The following ITGBL1 variants were observed in gnomAD, a reference collection of about 807,000 sequenced individuals.
The protein encoded by ITGBL1 is integrin subunit beta like 1.
Under a neutral mutation model 68.5 loss-of-function variants are expected in ITGBL1, and 51 were observed. That is an observed-to-expected ratio of 0.74 (90% CI 0.59 to 0.94). The LOEUF is 0.94. ITGBL1 is among the 40% of genes least tolerant of loss of function. ITGBL1 has a pLI of 0.00. For synonymous variants in ITGBL1, 209 were observed against 227.3 expected (o/e 0.92, Z 0.72); for missense variants, 649 against 647.4 (o/e 1.00, Z -0.03).
chr13:101,596,059 A>G lies in ITGBL1; in HGVS notation c.869-2094A>G, dbSNP rs954796816. Among the ~76,000 whole-genome samples the G allele has an allele frequency of 3.6e-3, 550 of 152,018 alleles. 4 individuals carry two copies. Among genetic ancestry groups the G allele is most frequent in the African/African-American group, 0.012 (497 of 41,488 alleles). ...TATTTACATATGTGTGTGTGTGTAT[A>G]TATATATATCTATATATACACAAAT... is the stretch of plus-strand genomic sequence containing the variant. On this transcript the variant is annotated intron_variant, in intron 6 of 10. Coordinates refer to ENST00000376180, the MANE Select transcript of ITGBL1 (RefSeq NM_004791.3).
At chr13:101,552,974 C>A (rs951214468) in intron 2 of ITGBL1, among the ~76,000 whole-genome samples, 7 of 152,178 alleles carry the variant, frequency 4.6e-5, no homozygotes, top group African/African-American at 1.7e-4. Flanking sequence ...GTGGGGGATT[C>A]TTTACACAGC....
chr13:101,693,551 T>G (rs889195128), intron 8 of ITGBL1, among the ~76,000 whole-genome samples: 1 of 151,944 alleles, frequency 6.6e-6, no homozygotes, highest in Non-Finnish European at 1.5e-5. Context: ...TCAGGAAAAA[T>G]AACTAATGGG....
intron 7 of ITGBL1, among the ~76,000 whole-genome samples, chr13:101,660,069 A>G (rs1246987340): frequency 2.0e-5 from 3 of 152,218 alleles, no homozygotes; most frequent in Admixed American, 1.3e-4. Context: ...TATAGATGCC[A>G]GTAGCACTGT....
At chr13:101,549,898 G>A (rs761374935) in intron 2 of ITGBL1, among the ~76,000 whole-genome samples, 41 of 151,942 alleles carry the variant, frequency 2.7e-4, no homozygotes, top group South Asian at 4.2e-4. Flanking sequence ...GCTTTCATCC[G>A]TAAATTCAAC....
At chr13:101,651,295 C>T (rs543195260) in intron 7 of ITGBL1, among the ~76,000 whole-genome samples, 3 of 152,240 alleles carry the variant, frequency 2.0e-5, no homozygotes, top group African/African-American at 7.2e-5. Context: ...TTGTCTGCAA[C>T]CTCTCCAGCA....
intron 2 of ITGBL1, among the ~76,000 whole-genome samples, chr13:101,554,121 G>C (rs997190475): frequency 1.3e-5 from 2 of 151,972 alleles, no homozygotes; most frequent in African/African-American, 4.8e-5. Context: ...TCAGATTAAG[G>C]GCCCACCTAA....
chr13:101,648,773 C>T (rs2032646783), intron 7 of ITGBL1, among the ~76,000 whole-genome samples: 1 of 151,720 alleles, frequency 6.6e-6, no homozygotes, highest in African/African-American at 2.4e-5. Flanking sequence ...ATTCCAATTA[C>T]AAAAATTTCA....
chr13:101,720,163 A>G (rs1340812369), downstream of ITGBL1: 1 of 152,116 alleles, frequency 6.6e-6, no homozygotes, highest in Non-Finnish European at 1.5e-5. Flanking sequence ...CAAATTAGCA[A>G]TACATACCAA....
At chr13:101,527,131 C>A (rs1225832788) in intron 2 of ITGBL1, among the ~76,000 whole-genome samples, 1 of 151,992 alleles carries the variant, frequency 6.6e-6, no homozygotes, top group Non-Finnish European at 1.5e-5. Context: ...GAATCGCACC[C>A]ATTTAAAGTA....
chr13:101,669,423 TAATC>T (rs1157273017), intron 7 of ITGBL1, among the ~76,000 whole-genome samples: 36 of 152,234 alleles, frequency 2.4e-4, no homozygotes, highest in African/African-American at 7.2e-4. Context: ...ACTGAAAGCT[TAATC>T]AAGTCGTAAA....
chr13:101,643,041 A>G (rs1321016530), intron 7 of ITGBL1, among the ~76,000 whole-genome samples: 15 of 146,012 alleles, frequency 1.0e-4, no homozygotes, highest in Middle Eastern at 3.3e-3. Flanking sequence ...TGACTTGGCG[A>G]TGTGGGCTCT....
At chr13:101,652,651 C>T (rs1318465775) in intron 7 of ITGBL1, among the ~76,000 whole-genome samples, 2 of 152,170 alleles carry the variant, frequency 1.3e-5, no homozygotes, top group South Asian at 2.1e-4. Flanking sequence ...TACTCCCTTA[C>T]AAGAGCTTTG....
chr13:101,466,218 TTAGTAA>T (rs1243359850), intron 2 of ITGBL1, among the ~76,000 whole-genome samples: 3 of 152,234 alleles, frequency 2.0e-5, no homozygotes, highest in Non-Finnish European at 4.4e-5. Flanking sequence ...ACAAGGAATA[TTAGTAA>T]TAGTAAAGTT....
chr13:101,580,679 G>A (rs561686327), intron 5 of ITGBL1, among the ~76,000 whole-genome samples: 1 of 152,092 alleles, frequency 6.6e-6, no homozygotes, highest in Non-Finnish European at 1.5e-5. Context: ...TGCAGTAGGG[G>A]TCACAGTCAC....
intron 7 of ITGBL1, among the ~76,000 whole-genome samples, chr13:101,601,649 T>C: frequency 6.6e-6 from 1 of 152,336 alleles, no homozygotes; most frequent in Middle Eastern, 3.4e-3. Context: ...TTGTTCTCAT[T>C]GGTTTCAAAG....
chr13:101,503,796 A>G (rs2048981838), intron 2 of ITGBL1, among the ~76,000 whole-genome samples: 1 of 152,186 alleles, frequency 6.6e-6, no homozygotes, highest in Non-Finnish European at 1.5e-5. Flanking sequence ...GCTGTTAAGG[A>G]TGATGGACTA....
chr13:101,561,693 C>T (rs1220737140), intron 2 of ITGBL1, among the ~76,000 whole-genome samples: 3 of 152,118 alleles, frequency 2.0e-5, no homozygotes, highest in African/African-American at 7.2e-5. Flanking sequence ...GGAGAGACGT[C>T]TTTGAAAGCC....
rs967844143 is a variant in ITGBL1 at position 101,453,872 on chromosome 13, C to T, written c.99-11C>T. The T allele has an allele frequency of 3.6e-5, 44 of 1,236,416 alleles. No individual in the cohort carries two copies. In the Admixed American group the frequency reaches 9.0e-4, roughly 25 times the overall value. 76.6% of individuals were successfully genotyped at this position (1,236,416 alleles called of 1,614,324 possible). A position where few individuals can be genotyped will look rare whatever the true frequency, so the allele number is the denominator to read the frequency against. The stretch of plus-strand genomic sequence containing the variant: ...CTGACCCGGCCTGCCGGTTGCTTGT[C>T]GCCCGCGCAGGAGCTGGCCGGGCGC... On this transcript the variant is annotated splice_polypyrimidine_tract_variant and intron_variant, in intron 1 of 10. Transcript: ENST00000376180.
chr13:101,528,062 T>C (rs2049410099), intron 2 of ITGBL1, among the ~76,000 whole-genome samples: 2 of 151,856 alleles, frequency 1.3e-5, no homozygotes, highest in Admixed American at 1.3e-4. Context: ...ATGGCTCATA[T>C]GTTTTGTTTG....
Sources: gnomAD v4.1 joint callset for allele counts (sites outside exome capture counted in the v4.1 genomes callset) on GRCh38, gnomAD v4.1.1 for gene constraint, MANE v1.5 for transcripts, NCBI Gene and HGNC (gene_info 2026-07-23, HGNC 2026-07-21) for gene names.